The following ACO1 variants were observed in gnomAD, a reference collection of about 807,000 sequenced individuals.
ACO1 encodes the protein cytoplasmic aconitate hydratase.
ACO1 carries 78 observed loss-of-function variants against 105.1 expected under a neutral mutation model. The observed-to-expected ratio is 0.74, with a 90% CI of 0.62 to 0.90. The LOEUF is 0.90. Ranked by LOEUF, ACO1 falls within the 40% of genes least tolerant of loss-of-function variation. The pLI, the probability that ACO1 is intolerant of heterozygous loss-of-function variation, is 0.00. For missense variants in ACO1, 965 were observed against 1,111.1 expected, an observed-to-expected ratio of 0.87 and a Z score of 1.87; for synonymous variants, 364 against 397.4, an observed-to-expected ratio of 0.92 and a Z score of 1.00.
At chr9:32,442,598 T>G (rs1822506992) in intron 19 of ACO1, among the ~76,000 whole-genome samples, 1 of 152,200 alleles carries the variant, frequency 6.6e-6, no homozygotes, top group African/African-American at 2.4e-5. Flanking sequence ...AAGCAGGAAG[T>G]GTAAAAGCAG....
chr9:32,398,553 TTTTTTC>T (rs750883159), intron 1 of ACO1, among the ~76,000 whole-genome samples: 14 of 149,662 alleles, frequency 9.4e-5, no homozygotes, highest in Non-Finnish European at 1.8e-4. Flanking sequence ...TTTTTTTTTC[TTTTTTC>T]TTTTTCTTTC....
intron 8 of ACO1, among the ~76,000 whole-genome samples, chr9:32,421,281 T>A (rs994081407): frequency 6.6e-6 from 1 of 152,200 alleles, no homozygotes. Context: ...TACTACTAGT[T>A]TTTTGACATT....
At chr9:32,399,853 A>T (rs1325707788) in intron 1 of ACO1, among the ~76,000 whole-genome samples, 3 of 151,964 alleles carry the variant, frequency 2.0e-5, no homozygotes, top group Non-Finnish European at 4.4e-5. Flanking sequence ...GTCATGGTAA[A>T]TGAAACTGTA....
chr9:32,449,467 G>C (rs1221752389), intron 20 of ACO1, among the ~76,000 whole-genome samples: 1 of 152,142 alleles, frequency 6.6e-6, no homozygotes, highest in Non-Finnish European at 1.5e-5. Flanking sequence ...ACCAGGCTTT[G>C]ATTAGCCCAA....
chr9:32,419,555 A>G (rs1821925535), intron 7 of ACO1, among the ~76,000 whole-genome samples: 1 of 152,232 alleles, frequency 6.6e-6, no homozygotes, highest in East Asian at 1.9e-4. Flanking sequence ...ATCTGTGGCT[A>G]AAGCCACATT....
rs1822837554 is a variant in ACO1 at position 32,454,528 on chromosome 9, C to T, written c.*4417C>T. 1 of 152,020 alleles carries T rather than the reference C, an allele frequency of 6.6e-6. No individual in the cohort carries two copies. Among genetic ancestry groups the T allele is most frequent in the Admixed American group, 6.6e-5 (1 of 15,242 alleles). The allele number at this position is 152,020 out of a possible 1,614,324, so 9.4% of individuals were successfully genotyped here. ...GCTTCAAAACATACACGGCTGGACACCCTGCCAGGATGCTCTAATGGGGCT... is the reference window on the plus strand; with the variant it reads ...GCTTCAAAACATACACGGCTGGACATCCTGCCAGGATGCTCTAATGGGGCT... On this transcript the variant is annotated 3_prime_UTR_variant, in exon 21 of 21. Coordinates refer to ENST00000309951, the MANE Select transcript of ACO1 (RefSeq NM_002197.3).
At chr9:32,434,760 G>C in intron 17 of ACO1, 59 bp downstream of exon 17, 1 of 1,588,218 alleles carries the variant, frequency 6.3e-7, no homozygotes, top group Non-Finnish European at 8.6e-7. Context: ...GAGTTAATGA[G>C]GCCAGCATTT....
intron 1 of ACO1, among the ~76,000 whole-genome samples, chr9:32,403,048 G>A (rs1253098565): frequency 1.3e-5 from 2 of 152,182 alleles, no homozygotes; most frequent in African/African-American, 4.8e-5. Flanking sequence ...TCTCTTGTGA[G>A]AGGATTTCCC....
intron 19 of ACO1, among the ~76,000 whole-genome samples, chr9:32,445,002 C>G (rs1284231147): frequency 6.6e-6 from 1 of 152,162 alleles, no homozygotes; most frequent in Non-Finnish European, 1.5e-5. Context: ...TGATATGCTG[C>G]TGGATTCGGT....
chr9:32,409,920 C>G (rs982804082), intron 4 of ACO1, among the ~76,000 whole-genome samples: 1 of 152,146 alleles, frequency 6.6e-6, no homozygotes, highest in African/African-American at 2.4e-5. Flanking sequence ...TAGGCCTGAC[C>G]TCTTAACAAA....
At chr9:32,402,576 T>C (rs1025572284) in intron 1 of ACO1, among the ~76,000 whole-genome samples, 1 of 152,140 alleles carries the variant, frequency 6.6e-6, no homozygotes, top group Admixed American at 6.5e-5. Flanking sequence ...CCCCAGATCT[T>C]GGAGGTATTT....
chr9:32,419,325 A>C (rs1821920421), intron 7 of ACO1, 148 bp downstream of exon 7: 1 of 821,044 alleles, frequency 1.2e-6, no homozygotes, highest in Non-Finnish European at 1.7e-6. Context: ...GAGATGAGGT[A>C]AGGGAAGTGT....
chr9:32,427,489 T>C (rs1822127080), intron 12 of ACO1, 53 bp downstream of exon 12: 3 of 1,606,388 alleles, frequency 1.9e-6, no homozygotes, highest in East Asian at 2.2e-5. Flanking sequence ...GTATCCCTCA[T>C]GTATCTTGCT....
chr9:32,446,104 G>A (rs931500649), intron 19 of ACO1, among the ~76,000 whole-genome samples: 4 of 152,280 alleles, frequency 2.6e-5, no homozygotes, highest in South Asian at 4.1e-4. Context: ...GGGGTAGAGA[G>A]TTCTGTAGAT....
chr9:32,402,398 CTT>C (rs1821517219), intron 1 of ACO1, among the ~76,000 whole-genome samples: 1 of 152,182 alleles, frequency 6.6e-6, no homozygotes, highest in Non-Finnish European at 1.5e-5. Context: ...TCATTCCTAT[CTT>C]TTATTGTTGA....
At chr9:32,385,900 T>C (rs995768583) in intron 1 of ACO1, among the ~76,000 whole-genome samples, 4 of 152,234 alleles carry the variant, frequency 2.6e-5, no homozygotes, top group African/African-American at 9.6e-5. Context: ...GCTTCTTGTT[T>C]GTGATCCTTC....
At chr9:32,410,996 G>C (rs1821726142) in intron 4 of ACO1, among the ~76,000 whole-genome samples, 2 of 152,104 alleles carry the variant, frequency 1.3e-5, no homozygotes, top group Admixed American at 6.5e-5. Flanking sequence ...AAAGGAGAAA[G>C]CAGCTGTCTT....
At chr9:32,432,766 AATAG>A (rs1335795835) in intron 15 of ACO1, among the ~76,000 whole-genome samples, 1 of 152,220 alleles carries the variant, frequency 6.6e-6, no homozygotes, top group Non-Finnish European at 1.5e-5. Context: ...GTGATATAGC[AATAG>A]ATATAGTGAG....
intron 4 of ACO1, among the ~76,000 whole-genome samples, chr9:32,414,042 G>T (rs1821797894): frequency 6.6e-6 from 1 of 152,130 alleles, no homozygotes; most frequent in Non-Finnish European, 1.5e-5. Context: ...CCAGCTACTT[G>T]GGAGGCTGAG....
Sources: allele counts gnomAD v4.1 joint callset (sites outside exome capture counted in the v4.1 genomes callset), GRCh38; gene constraint gnomAD v4.1.1; transcripts MANE v1.5; gene names NCBI Gene and HGNC (gene_info 2026-07-23, HGNC 2026-07-21).